Variants in DPH5 observed in about 807,000 individuals in gnomAD.
DPH5 encodes diphthamide biosynthesis 5.
A neutral mutation model predicts 31.6 loss-of-function variants in DPH5; 31 were observed. That is an observed-to-expected ratio of 0.98 (90% confidence interval 0.74 to 1.32). The LOEUF (loss-of-function observed/expected upper bound fraction) is 1.32. DPH5 is among the 40% of genes most tolerant of loss of function. DPH5 has a pLI of 0.00. For synonymous variants in DPH5, 120 were observed against 115.0 expected, an observed-to-expected ratio of 1.04 and a Z score of -0.28; for missense variants, 309 against 335.7, an observed-to-expected ratio of 0.92 and a Z score of 0.62.
At chr1:100,994,674 G>A (rs778960718) in intron 6 of DPH5, among the ~76,000 whole-genome samples, 5 of 151,854 alleles carry the variant, frequency 3.3e-5, no homozygotes, top group Admixed American at 6.6e-5. Flanking sequence ...TTAAAGGCAC[G>A]TGCCACCACA....
chr1:101,025,243 T>C, intron 2 of DPH5, 66 bp downstream of exon 2: 2 of 1,591,674 alleles, frequency 1.3e-6, no homozygotes, highest in South Asian at 2.3e-5. Context: ...CTGTTCAGCT[T>C]AGTGTATGAA....
intron 5 of DPH5, among the ~76,000 whole-genome samples, chr1:100,997,405 G>T (rs905887416): frequency 2.6e-5 from 4 of 151,864 alleles, no homozygotes; most frequent in Non-Finnish European, 5.9e-5. Flanking sequence ...TCGCTCTGTG[G>T]TCCAGGCTGG....
intron 2 of DPH5, 71 bp downstream of exon 2, chr1:101,025,238 C>T: frequency 6.4e-7 from 1 of 1,573,056 alleles, no homozygotes; most frequent in Non-Finnish European, 8.6e-7. Flanking sequence ...AAATTCTGTT[C>T]AGCTTAGTGT....
intron 5 of DPH5, 119 bp from the exon 6 acceptor site, chr1:100,995,268 AT>A: frequency 1.7e-6 from 1 of 578,152 alleles, no homozygotes; most frequent in South Asian, 2.1e-5. Context: ...TCACATTTTA[AT>A]TAGCCACTTT....
At chr1:101,018,955 G>A (rs1660268076) in intron 3 of DPH5, among the ~76,000 whole-genome samples, 1 of 152,146 alleles carries the variant, frequency 6.6e-6, no homozygotes, top group Non-Finnish European at 1.5e-5. Flanking sequence ...TACATGGAAT[G>A]GAAGCAGTCA....
chr1:100,998,075 T>TGA (rs1360924722), intron 5 of DPH5, among the ~76,000 whole-genome samples: 1 of 152,218 alleles, frequency 6.6e-6, no homozygotes, highest in East Asian at 1.9e-4. Context: ...TAATGATGAA[T>TGA]GAAGCACTAA....
intron 3 of DPH5, among the ~76,000 whole-genome samples, chr1:101,017,348 T>A (rs567618581): frequency 6.6e-6 from 1 of 151,678 alleles, no homozygotes; most frequent in South Asian, 2.1e-4. Flanking sequence ...GCAGTCATTT[T>A]AACTGTTTTT....
intron 6 of DPH5, 37 bp downstream of exon 6, chr1:100,995,073 T>TA (rs1407844640): frequency 9.5e-6 from 14 of 1,470,878 alleles, no homozygotes; most frequent in Non-Finnish European, 1.3e-5. Context: ...TTCAAGGAAA[T>TA]AAAACACATG....
At chr1:101,020,820 T>C (rs1428082347) in intron 3 of DPH5, among the ~76,000 whole-genome samples, 3 of 152,142 alleles carry the variant, frequency 2.0e-5, no homozygotes, top group Admixed American at 1.3e-4. Flanking sequence ...GTTCCCATCT[T>C]TTTCTCTTTT....
intron 5 of DPH5, among the ~76,000 whole-genome samples, chr1:100,997,148 T>C (rs1489553655): frequency 6.6e-6 from 1 of 152,208 alleles, no homozygotes; most frequent in African/African-American, 2.4e-5. Flanking sequence ...TACAATAGAA[T>C]TTTTGTTCTT....
intron 7 of DPH5, among the ~76,000 whole-genome samples, chr1:100,991,872 T>A (rs1193188261): frequency 4.6e-5 from 7 of 150,644 alleles, no homozygotes; most frequent in Non-Finnish European, 8.8e-5. Flanking sequence ...TTTGGGAGGC[T>A]GAGGTGGGAG....
chr1:100,998,870 A>G (rs910379742), intron 5 of DPH5, among the ~76,000 whole-genome samples: 1 of 152,228 alleles, frequency 6.6e-6, no homozygotes, highest in Non-Finnish European at 1.5e-5. Context: ...ATTTCACTCA[A>G]GATCAGGAGC....
chr1:101,013,071 G>A (rs1464586795), intron 4 of DPH5, among the ~76,000 whole-genome samples: 1 of 152,176 alleles, frequency 6.6e-6, no homozygotes, highest in Non-Finnish European at 1.5e-5. Context: ...ACCACTGTTA[G>A]CCAAGCAGCA....
At chr1:100,999,684 C>A (rs1448523335) in intron 5 of DPH5, among the ~76,000 whole-genome samples, 1 of 151,262 alleles carries the variant, frequency 6.6e-6, no homozygotes, top group African/African-American at 2.4e-5. Context: ...ACTAAAAATA[C>A]AAAAATTAGC....
At chr1:101,019,511 T>C (rs1177510887) in intron 3 of DPH5, among the ~76,000 whole-genome samples, 1 of 152,150 alleles carries the variant, frequency 6.6e-6, no homozygotes, top group African/African-American at 2.4e-5. Context: ...TCTTAAACAA[T>C]CTTCTTTTTA....
chr1:101,000,483 T>C (rs2101180282), intron 5 of DPH5, among the ~76,000 whole-genome samples: 1 of 152,332 alleles, frequency 6.6e-6, no homozygotes, highest in Admixed American at 6.5e-5. Context: ...ACCATGGTTC[T>C]TTACCACAAA....
In DPH5 at chr1:100,991,568, G is replaced by A. The variant is rs535955567; in HGVS notation, c.635-937C>T. Among the ~76,000 whole-genome samples, 6 of 152,096 alleles carry A rather than the reference G, an allele frequency of 3.9e-5. No homozygotes were observed. The East Asian group carries it at 5.8e-4, about 15-fold the overall frequency. ...TTTGGGAGGCTGAGGCAGGCGGATC[G>A]CTTGAGCTCAGGAGTTTGAGACCAG... On this transcript the variant is annotated intron_variant, in intron 7 of 7. Transcript: ENST00000370109.
At chr1:101,001,703 T>G (rs1658880308) in intron 4 of DPH5, 116 bp from the exon 5 acceptor site, 1 of 833,470 alleles carries the variant, frequency 1.2e-6, no homozygotes, top group Admixed American at 3.0e-5. Flanking sequence ...TCGAAATGGG[T>G]TGGGGATCAA....
rs897552693 is a variant in DPH5, at chr1:100,990,249, T to C, written c.*159A>G. 30 of 650,374 alleles carry C rather than the reference T, an allele frequency of 4.6e-5. No homozygotes were observed. The highest frequency in any genetic ancestry group is 3.6e-4 in the African/African-American group (20 of 54,992). 40.3% of individuals were successfully genotyped at this position (650,374 alleles called of 1,614,324 possible). On this transcript the variant is annotated 3_prime_UTR_variant, in exon 8 of 8. Coordinates refer to ENST00000370109, the MANE Select transcript of DPH5 (RefSeq NM_015958.3). ...TCATGAAAGCTCACTATCATGAGAA[T>C]AGCATGAGGGAAACTGCCCCCATGA...
Sources: gnomAD v4.1 joint callset for allele counts (sites outside exome capture counted in the v4.1 genomes callset) on GRCh38, gnomAD v4.1.1 for gene constraint, MANE v1.5 for transcripts, NCBI Gene and HGNC (gene_info 2026-07-23, HGNC 2026-07-21) for gene names.